Variants in LTBP1 observed in about 807,000 individuals in gnomAD.
LTBP1 encodes latent transforming growth factor beta binding protein 1.
In LTBP1, 129 loss-of-function variants were observed where a neutral mutation model predicts 207.6. The ratio of observed to expected loss-of-function variants is 0.62; its 90% confidence interval spans 0.54 to 0.72. The LOEUF is 0.72. Among genes scored for constraint, LTBP1 ranks in the 30% least tolerant of loss-of-function variants. The pLI is 0.00. For synonymous variants in LTBP1, 963 were observed against 833.7 expected (o/e 1.16, Z -2.67); for missense variants, 2,281 against 2,217.2 (o/e 1.03, Z -0.58).
At chr2:33,229,427 T>C (rs1278076578) in intron 9 of LTBP1, among the ~76,000 whole-genome samples, 1 of 152,024 alleles carries the variant, frequency 6.6e-6, no homozygotes. Context: ...TGAGCTATGA[T>C]CGTGCCACTG....
In LTBP1 at chr2:33,197,852, C is replaced by G. The variant is rs1039553868; in HGVS notation, c.1701+9001C>G. ...CTTTGTTGAACCCAGGAACCTGCCTCGTAATCAGACAGAAGCGTTATAAGG... is the reference window on the plus strand; with the variant it reads ...CTTTGTTGAACCCAGGAACCTGCCTGGTAATCAGACAGAAGCGTTATAAGG... On this transcript the variant is annotated intron_variant, in intron 7 of 33. Coordinates refer to ENST00000404816, the MANE Select transcript of LTBP1 (RefSeq NM_206943.4). Among the ~76,000 whole-genome samples the G allele has an allele frequency of 2.6e-5, 4 of 152,060 alleles. No homozygotes were observed. The East Asian group carries it at 5.8e-4, about 22-fold the overall frequency.
chr2:33,170,324 C>T (rs1360537371), intron 5 of LTBP1, among the ~76,000 whole-genome samples: 1 of 152,134 alleles, frequency 6.6e-6, no homozygotes, highest in Non-Finnish European at 1.5e-5. Flanking sequence ...TTCCGACGGG[C>T]TTAAAAAACG....
At chr2:33,299,105 C>T (rs1468169278) in intron 20 of LTBP1, among the ~76,000 whole-genome samples, 1 of 152,004 alleles carries the variant, frequency 6.6e-6, no homozygotes, top group East Asian at 1.9e-4. Context: ...GAAACTCCCT[C>T]TCTACTAAAA....
At chr2:32,995,855 A>G (rs925706109) in intron 2 of LTBP1, among the ~76,000 whole-genome samples, 1 of 152,104 alleles carries the variant, frequency 6.6e-6, no homozygotes, top group Non-Finnish European at 1.5e-5. Context: ...CATTACATAC[A>G]TTATCTCTTG....
chr2:33,203,221 C>T (rs1445893073), intron 7 of LTBP1, among the ~76,000 whole-genome samples: 1 of 152,154 alleles, frequency 6.6e-6, no homozygotes, highest in Non-Finnish European at 1.5e-5. Context: ...GTTCCAGCAA[C>T]CTCTGCCAGA....
At position 33,020,854 on chromosome 2, in the gene LTBP1, T is replaced by C. The variant is rs1387679814; in HGVS notation, c.566-55T>C. ...GCTACTGTTAACCCTTTGGAAAAATTAGGAAGTCTACAATGTTGTTCTTCA... is the reference window on the plus strand; with the variant it reads ...GCTACTGTTAACCCTTTGGAAAAATCAGGAAGTCTACAATGTTGTTCTTCA... On this transcript the variant is annotated intron_variant, in intron 2 of 33. Transcript: ENST00000404816. 1.0e-5 allele frequency: 15 copies of C among 1,484,420 alleles called. No homozygotes were observed. In the African/African-American group the frequency reaches 1.3e-4, roughly 12 times the overall value. The allele number at this position is 1,484,420 out of a possible 1,614,324, so 92.0% of individuals were successfully genotyped here. A position where few individuals can be genotyped will look rare whatever the true frequency, so the allele number is the denominator to read the frequency against.
intron 4 of LTBP1, among the ~76,000 whole-genome samples, chr2:33,124,237 C>T (rs1041758148): frequency 1.3e-5 from 2 of 152,062 alleles, no homozygotes; most frequent in African/African-American, 4.8e-5. Flanking sequence ...GGTGAAACCC[C>T]CGTCTCTACT....
chr2:33,275,757 G>A, intron 17 of LTBP1, 44 bp from the exon 18 acceptor site: 1 of 1,612,252 alleles, frequency 6.2e-7, no homozygotes, highest in Non-Finnish European at 8.5e-7. Context: ...GTTTGAAACA[G>A]TATTTGGAAC....
chr2:33,273,576 T>C, intron 15 of LTBP1, 80 bp from the exon 16 acceptor site: 1 of 1,190,380 alleles, frequency 8.4e-7, no homozygotes, highest in Non-Finnish European at 1.1e-6. Context: ...GTCAGGAAAC[T>C]CAAAGTAATA....
chr2:33,069,902 C>CCTCAGA (rs1428805556), intron 3 of LTBP1, among the ~76,000 whole-genome samples: 3 of 152,108 alleles, frequency 2.0e-5, no homozygotes, highest in Non-Finnish European at 4.4e-5. Context: ...TGAGGGAGAC[C>CCTCAGA]CTGTGGGTAC....
At chr2:33,003,985 A>G (rs1483302800) in intron 2 of LTBP1, among the ~76,000 whole-genome samples, 1 of 152,314 alleles carries the variant, frequency 6.6e-6, no homozygotes, top group Admixed American at 6.5e-5. Context: ...TAATTGTCTC[A>G]AAACAACTTA....
chr2:33,396,836 C>T (rs183518727), intron 32 of LTBP1, among the ~76,000 whole-genome samples: 1 of 152,294 alleles, frequency 6.6e-6, no homozygotes, highest in Non-Finnish European at 1.5e-5. Flanking sequence ...TGGATGAACA[C>T]TTTTAATAAT....
rs542622068 is a variant in LTBP1, at chr2:33,260,956, A to C, written c.2418+1346A>C. 2.0e-5 allele frequency among the ~76,000 whole-genome samples: 3 copies of C among 152,316 alleles called. No homozygotes were observed. In the South Asian group the frequency reaches 6.2e-4, roughly 32 times the overall value. On this transcript the variant is annotated intron_variant, in intron 13 of 33. Transcript: ENST00000404816. The stretch of plus-strand genomic sequence containing the variant: ...TTTATTTGGGGAGGAGATAGTACGA[A>C]AAATGCAATCATAGCCTTTGTTGTC...
intron 11 of LTBP1, among the ~76,000 whole-genome samples, chr2:33,254,752 C>G (rs2092787323): frequency 7.6e-6 from 1 of 131,418 alleles, no homozygotes; most frequent in African/African-American, 3.3e-5. Flanking sequence ...CCCGCCTCCC[C>G]CCACCCCACA....
At chr2:33,215,725 T>TTTTG (rs111349662) in intron 7 of LTBP1, among the ~76,000 whole-genome samples, 16 of 146,686 alleles carry the variant, frequency 1.1e-4, no homozygotes, top group Non-Finnish European at 1.7e-4. Context: ...TGTTTTTTGT[T>TTTTG]TTTTTTTTTT....
At chr2:32,983,923 T>C (rs1236696209) in intron 2 of LTBP1, among the ~76,000 whole-genome samples, 3 of 152,248 alleles carry the variant, frequency 2.0e-5, no homozygotes, top group Non-Finnish European at 2.9e-5. Context: ...CTTTCTTTTA[T>C]TCAAGTCTTA....
At position 33,345,488 on chromosome 2, in the gene LTBP1, A is replaced by G. The variant is rs992429077; in HGVS notation, c.3857-1879A>G. The stretch of plus-strand genomic sequence containing the variant: ...GTCAATAATACATGTTGGAAAGTAC[A>G]AAGTTCCACTGGACATTTACCTAAA... On this transcript the variant is annotated intron_variant, in intron 25 of 33. Coordinates refer to ENST00000404816, the MANE Select transcript of LTBP1 (RefSeq NM_206943.4). 6.6e-5 allele frequency among the ~76,000 whole-genome samples: 10 copies of G among 152,370 alleles called. No individual in the cohort carries two copies. The East Asian group carries it at 1.2e-3, about 18-fold the overall frequency.
intron 17 of LTBP1, 22 bp from the exon 18 acceptor site, chr2:33,275,779 C>G (rs376469677): frequency 1.2e-6 from 2 of 1,613,514 alleles, no homozygotes; most frequent in Non-Finnish European, 1.7e-6. Flanking sequence ...CAAAACTCAA[C>G]AATGCTATCT....
chr2:33,298,124 A>G (rs1408244380), intron 20 of LTBP1, among the ~76,000 whole-genome samples: 1 of 152,194 alleles, frequency 6.6e-6, no homozygotes, highest in Non-Finnish European at 1.5e-5. Flanking sequence ...CAGCATTCCT[A>G]TTTTATTAGA....
Sources: allele counts gnomAD v4.1 joint callset (sites outside exome capture counted in the v4.1 genomes callset), GRCh38; gene constraint gnomAD v4.1.1; transcripts MANE v1.5; gene names NCBI Gene and HGNC (gene_info 2026-07-23, HGNC 2026-07-21).